Variants in VPS37A observed in about 807,000 individuals in gnomAD.
The protein encoded by VPS37A is VPS37A subunit of ESCRT-I, also known as vacuolar protein sorting-associated protein 37A.
VPS37A carries 30 observed loss-of-function variants against 49.8 expected under a neutral mutation model. The ratio of observed to expected loss-of-function variants is 0.60; its 90% CI spans 0.45 to 0.82. VPS37A has a LOEUF of 0.82. VPS37A is among the 40% of genes least tolerant of loss of function. The pLI is 0.00. For synonymous variants in VPS37A, 195 were observed against 160.6 expected (o/e 1.21, Z -1.62); for missense variants, 593 against 464.4 (o/e 1.28, Z -2.55).
intron 4 of VPS37A, among the ~76,000 whole-genome samples, chr8:17,270,674 A>T (rs191107131): frequency 6.6e-6 from 1 of 152,208 alleles, no homozygotes; most frequent in Non-Finnish European, 1.5e-5. Flanking sequence ...AAAGTTCAAG[A>T]AGTTCATATG....
the VPS37A span, among the ~76,000 whole-genome samples, chr8:17,312,345 C>T: frequency 4.1e-4 from 62 of 152,136 alleles, no homozygotes; most frequent in Non-Finnish European, 7.6e-4. Flanking sequence ...GAGGCCGTGG[C>T]GGGTGGATCA....
intron 11 of VPS37A, among the ~76,000 whole-genome samples, chr8:17,288,853 C>T (rs1277998193): frequency 6.6e-6 from 1 of 152,164 alleles, no homozygotes; most frequent in Non-Finnish European, 1.5e-5. Flanking sequence ...AAAGGTGTTC[C>T]TATTTCTCCA....
intron 1 of VPS37A, among the ~76,000 whole-genome samples, chr8:17,251,582 C>T (rs1811981615): frequency 6.6e-6 from 1 of 152,162 alleles, no homozygotes; most frequent in South Asian, 2.1e-4. Flanking sequence ...ACTTATCTGT[C>T]TCTGGCAGAA....
chr8:17,292,734 G>T (rs555230763), intron 11 of VPS37A, among the ~76,000 whole-genome samples: 1 of 152,278 alleles, frequency 6.6e-6, no homozygotes, highest in Non-Finnish European at 1.5e-5. Context: ...AGTTTGGCTG[G>T]ATATGAAATT....
At chr8:17,263,117 C>A (rs1813114696) in intron 1 of VPS37A, among the ~76,000 whole-genome samples, 1 of 150,128 alleles carries the variant, frequency 6.7e-6, no homozygotes, top group African/African-American at 2.4e-5. Context: ...AAGATAATCA[C>A]AATTGAGTGA....
At chr8:17,275,566 A>G (rs1405146475) in intron 5 of VPS37A, among the ~76,000 whole-genome samples, 2 of 152,198 alleles carry the variant, frequency 1.3e-5, no homozygotes, top group Non-Finnish European at 1.5e-5. Context: ...CAGGTGTCAC[A>G]TTATGATGGG....
chr8:17,303,329 G>GAGAAGATAA (rs1330077511), downstream of VPS37A, among the ~76,000 whole-genome samples: 2 of 152,114 alleles, frequency 1.3e-5, no homozygotes, highest in Admixed American at 1.3e-4. Context: ...TATAAATTCT[G>GAGAAGATAA]AGAAGATAAT....
chr8:17,289,860 G>T (rs1815976415), intron 11 of VPS37A, among the ~76,000 whole-genome samples: 1 of 152,104 alleles, frequency 6.6e-6, no homozygotes. Flanking sequence ...CCATTTGTTT[G>T]TGTCCTCTCT....
In VPS37A at chr8:17,270,344, C is replaced by T. The variant is rs541323132; in HGVS notation, c.416+1388C>T. Among the ~76,000 whole-genome samples the T allele has an allele frequency of 1.5e-4, 23 of 152,266 alleles. No homozygotes were observed. In the South Asian group the frequency reaches 3.5e-3, roughly 23 times the overall value. ...TGGTTAGGGACCAGTGGCGATAACT[C>T]ATTTTTGCTCCACTTTTTGCATTAC... On this transcript the variant is annotated intron_variant, in intron 4 of 11. Transcript: ENST00000324849.
the VPS37A span, among the ~76,000 whole-genome samples, chr8:17,310,086 G>A: frequency 6.6e-6 from 1 of 151,982 alleles, no homozygotes; most frequent in Admixed American, 6.6e-5. Context: ...CTACACCCTT[G>A]ACCTCCTGAG....
At chr8:17,307,082 T>C (rs1321337440), downstream of VPS37A, among the ~76,000 whole-genome samples, 1 of 152,060 alleles carries the variant, frequency 6.6e-6, no homozygotes, top group Non-Finnish European at 1.5e-5. Flanking sequence ...CAGAAGAAAC[T>C]ACCATCAGAG....
intron 4 of VPS37A, among the ~76,000 whole-genome samples, chr8:17,271,519 T>C (rs1813989473): frequency 6.6e-6 from 1 of 151,928 alleles, no homozygotes; most frequent in African/African-American, 2.4e-5. Context: ...GGCAGGAGAA[T>C]GGCGTGAACC....
chr8:17,307,944 G>A, the VPS37A span, among the ~76,000 whole-genome samples: 1 of 151,798 alleles, frequency 6.6e-6, no homozygotes, highest in Non-Finnish European at 1.5e-5. Context: ...GCTAAATGAC[G>A]AGTTAATGGG....
chr8:17,328,655 C>A, the VPS37A span, among the ~76,000 whole-genome samples: 8 of 152,186 alleles, frequency 5.3e-5, no homozygotes, highest in East Asian at 1.2e-3. Flanking sequence ...ACAGGTGCAG[C>A]AAACCATCAT....
intron 1 of VPS37A, among the ~76,000 whole-genome samples, chr8:17,262,564 C>T (rs989236749): frequency 2.1e-5 from 3 of 145,380 alleles, no homozygotes; most frequent in Non-Finnish European, 4.5e-5. Flanking sequence ...TAAAATATTA[C>T]TTTAAAGTAT....
chr8:17,269,923 G>C (rs1813818979), intron 4 of VPS37A, among the ~76,000 whole-genome samples: 1 of 152,086 alleles, frequency 6.6e-6, no homozygotes, highest in South Asian at 2.1e-4. Flanking sequence ...ATTGGCTCAG[G>C]GTTCTGCTGG....
chr8:17,323,643 C>T, the VPS37A span, among the ~76,000 whole-genome samples: 4 of 151,982 alleles, frequency 2.6e-5, no homozygotes, highest in East Asian at 1.9e-4. Flanking sequence ...CAGCAGAGGC[C>T]GCAGGGGTGG....
intron 4 of VPS37A, among the ~76,000 whole-genome samples, chr8:17,272,592 A>G (rs1254102793): frequency 1.3e-5 from 2 of 152,202 alleles, no homozygotes; most frequent in East Asian, 1.9e-4. Flanking sequence ...ACTGAGTTCA[A>G]AATAAAGCAG....
chr8:17,283,309 C>G (rs1327261938), intron 9 of VPS37A, among the ~76,000 whole-genome samples: 1 of 152,072 alleles, frequency 6.6e-6, no homozygotes, highest in Admixed American at 6.6e-5. Flanking sequence ...GTGCATGCCA[C>G]CACACCTGGC....
Sources: allele counts gnomAD v4.1 joint callset (sites outside exome capture counted in the v4.1 genomes callset), GRCh38; gene constraint gnomAD v4.1.1; transcripts MANE v1.5; gene names NCBI Gene and HGNC (gene_info 2026-07-23, HGNC 2026-07-21).